Variants in ERC2 observed in about 807,000 individuals in gnomAD.
ERC2 encodes ELKS/RAB6-interacting/CAST family member 2, also known as ERC protein 2.
ERC2 carries 42 observed loss-of-function variants against 114.8 expected under a neutral mutation model. The observed-to-expected ratio is 0.37, with a 90% CI of 0.29 to 0.47. The LOEUF is 0.47. ERC2 is among the 20% of genes least tolerant of loss of function. ERC2 has a pLI of 0.99. For synonymous variants in ERC2, 454 were observed against 425.5 expected, an observed-to-expected ratio of 1.07 and a Z score of -0.82; for missense variants, 939 against 1,150.7, an observed-to-expected ratio of 0.82 and a Z score of 2.66.
intron 14 of ERC2, among the ~76,000 whole-genome samples, chr3:55,821,781 A>C (rs1016387451): frequency 6.6e-6 from 1 of 152,236 alleles, no homozygotes; most frequent in Non-Finnish European, 1.5e-5. Flanking sequence ...TGTGTGTCCC[A>C]CACTGTGCAA....
At chr3:56,255,987 G>A (rs903436368) in intron 3 of ERC2, among the ~76,000 whole-genome samples, 1 of 152,164 alleles carries the variant, frequency 6.6e-6, no homozygotes, top group Non-Finnish European at 1.5e-5. Context: ...GACACAGCAG[G>A]TTAAAGATAA....
In ERC2 at chr3:55,672,026, C is replaced by T. The variant is rs149323565; in HGVS notation, c.*39+11768G>A. On this transcript the variant is annotated intron_variant, in intron 17 of 17. Transcript: ENST00000288221. Reference sequence around the variant, plus strand: ...CCAGCTTTGCTCAAACTTATTTGAACACCATATGCCTTTATGACTATTTTT... The same window carrying T: ...CCAGCTTTGCTCAAACTTATTTGAATACCATATGCCTTTATGACTATTTTT... Among the ~76,000 whole-genome samples the T allele has an allele frequency of 5.7e-3, 873 of 152,274 alleles. 8 individuals carry two copies. The highest frequency in any genetic ancestry group is 0.02 in the African/African-American group (842 of 41,546).
chr3:55,929,649 C>T (rs892831853), intron 13 of ERC2, among the ~76,000 whole-genome samples: 1 of 152,172 alleles, frequency 6.6e-6, no homozygotes, highest in Non-Finnish European at 1.5e-5. Flanking sequence ...ACCCAAATCA[C>T]GTGTCTGACT....
chr3:56,190,814 C>T (rs1175157649), intron 3 of ERC2, among the ~76,000 whole-genome samples: 9 of 151,834 alleles, frequency 5.9e-5, no homozygotes, highest in African/African-American at 2.2e-4. Context: ...GTTCAAGAGA[C>T]CCTCCCACCT....
chr3:55,671,135 C>T (rs1371851887), intron 17 of ERC2, among the ~76,000 whole-genome samples: 1 of 152,188 alleles, frequency 6.6e-6, no homozygotes. Flanking sequence ...AGATGAAATA[C>T]ATAAAATACC....
chr3:55,677,303 A>T (rs1416021675), intron 17 of ERC2, among the ~76,000 whole-genome samples: 1 of 152,186 alleles, frequency 6.6e-6, no homozygotes, highest in African/African-American at 2.4e-5. Context: ...TGGAGAGGGT[A>T]TGTTTATAGG....
At chr3:56,011,110 T>C (rs2072893285) in intron 8 of ERC2, among the ~76,000 whole-genome samples, 2 of 152,220 alleles carry the variant, frequency 1.3e-5, no homozygotes, top group Non-Finnish European at 2.9e-5. Context: ...CTGGGACTCA[T>C]TGTGAGAACT....
intron 6 of ERC2, among the ~76,000 whole-genome samples, chr3:56,121,863 C>A (rs1396005111): frequency 6.6e-6 from 1 of 152,046 alleles, no homozygotes; most frequent in Non-Finnish European, 1.5e-5. Flanking sequence ...AGTTTCAATT[C>A]CTCCCTGCAG....
At chr3:56,230,108 C>T (rs1283705745) in intron 3 of ERC2, among the ~76,000 whole-genome samples, 9 of 151,872 alleles carry the variant, frequency 5.9e-5, no homozygotes, top group East Asian at 1.9e-4. Context: ...TCAGATAATC[C>T]GCCAGCCTCG....
chr3:55,671,482 G>A (rs1475397295), intron 17 of ERC2, among the ~76,000 whole-genome samples: 4 of 152,030 alleles, frequency 2.6e-5, no homozygotes, highest in African/African-American at 4.8e-5. Flanking sequence ...CGTGGTCATC[G>A]GCACAGGAGA....
At chr3:56,210,387 C>G (rs181877888) in intron 3 of ERC2, among the ~76,000 whole-genome samples, 1 of 152,314 alleles carries the variant, frequency 6.6e-6, no homozygotes, top group Non-Finnish European at 1.5e-5. Context: ...TAGGGATAAA[C>G]TATTTTTACA....
chr3:55,613,305 A>G (rs1306231576), intron 17 of ERC2, among the ~76,000 whole-genome samples: 2 of 152,186 alleles, frequency 1.3e-5, no homozygotes, highest in African/African-American at 4.8e-5. Flanking sequence ...GAAAGGTTAA[A>G]GTGGATGTAA....
At chr3:55,732,409 A>C (rs890120410) in intron 15 of ERC2, among the ~76,000 whole-genome samples, 21 of 152,160 alleles carry the variant, frequency 1.4e-4, no homozygotes, top group African/African-American at 5.1e-4. Context: ...CCTTCTCCAC[A>C]ACAGCCCTTT....
intron 2 of ERC2, among the ~76,000 whole-genome samples, chr3:56,362,766 G>A (rs2059006802): frequency 1.3e-5 from 2 of 152,210 alleles, no homozygotes. Flanking sequence ...CCTGACAGAT[G>A]CCATCCTCAC....
intron 2 of ERC2, among the ~76,000 whole-genome samples, chr3:56,380,454 T>C (rs1338229085): frequency 1.3e-5 from 2 of 152,058 alleles, no homozygotes; most frequent in Non-Finnish European, 2.9e-5. Context: ...TGGACACTCC[T>C]CACCGAGAAG....
At chr3:55,783,017 G>T (rs919659792) in intron 14 of ERC2, among the ~76,000 whole-genome samples, 2 of 152,190 alleles carry the variant, frequency 1.3e-5, no homozygotes, top group Non-Finnish European at 2.9e-5. Context: ...GAAACAGCTG[G>T]TGTGGCCAGC....
intron 17 of ERC2, among the ~76,000 whole-genome samples, chr3:55,669,088 C>T (rs1291037342): frequency 6.6e-6 from 1 of 152,178 alleles, no homozygotes; most frequent in Non-Finnish European, 1.5e-5. Context: ...ACAAAGAACC[C>T]TCCAAAGAGG....
chr3:56,279,458 G>A (rs2054208266), intron 3 of ERC2, among the ~76,000 whole-genome samples: 1 of 152,228 alleles, frequency 6.6e-6, no homozygotes, highest in Admixed American at 6.5e-5. Context: ...ACAAGTAAGG[G>A]TTAGTCAAGT....
At chr3:56,427,096 AG>A (rs1447964615) in intron 2 of ERC2, among the ~76,000 whole-genome samples, 3 of 151,434 alleles carry the variant, frequency 2.0e-5, no homozygotes, top group African/African-American at 7.3e-5. Flanking sequence ...AGGGAGGTAA[AG>A]GTTGCAGTGA....
Sources: allele counts gnomAD v4.1 joint callset (sites outside exome capture counted in the v4.1 genomes callset), GRCh38; gene constraint gnomAD v4.1.1; transcripts MANE v1.5; gene names NCBI Gene and HGNC (gene_info 2026-07-23, HGNC 2026-07-21).